Variants in EXOC2 observed in about 807,000 individuals in gnomAD.
EXOC2 encodes the protein SEC5-like 1.
In EXOC2, 70 loss-of-function variants were observed where a neutral mutation model predicts 131.8. The observed-to-expected ratio is 0.53, with a 90% CI of 0.44 to 0.65. EXOC2 has a LOEUF of 0.65. Ranked by LOEUF, EXOC2 falls within the 30% of genes least tolerant of loss-of-function variation. The pLI is 0.00. For synonymous variants in EXOC2, 411 were observed against 398.4 expected, an observed-to-expected ratio of 1.03 and a Z score of -0.38; for missense variants, 923 against 1,108.6, an observed-to-expected ratio of 0.83 and a Z score of 2.38.
At chr6:682,879 C>T (rs1221192657) in intron 1 of EXOC2, among the ~76,000 whole-genome samples, 1 of 152,118 alleles carries the variant, frequency 6.6e-6, no homozygotes, top group Non-Finnish European at 1.5e-5. Flanking sequence ...TCATTAGCAC[C>T]ATAAACACAG....
chr6:567,070 A>G (rs1473927749), intron 13 of EXOC2, among the ~76,000 whole-genome samples: 1 of 152,212 alleles, frequency 6.6e-6, no homozygotes, highest in Non-Finnish European at 1.5e-5. Flanking sequence ...TCCTGCCTGG[A>G]GGACCTCCAT....
intron 1 of EXOC2, among the ~76,000 whole-genome samples, chr6:688,026 T>A (rs531179247): frequency 6.6e-6 from 1 of 152,212 alleles, no homozygotes; most frequent in East Asian, 1.9e-4. Flanking sequence ...ACAGCCCAGG[T>A]AGGAGATTGG....
At chr6:568,870 C>T (rs1304142578) in intron 13 of EXOC2, among the ~76,000 whole-genome samples, 1 of 152,114 alleles carries the variant, frequency 6.6e-6, no homozygotes, top group Non-Finnish European at 1.5e-5. Flanking sequence ...CAATTTTGCC[C>T]AACAAATAGG....
chr6:538,897 C>T (rs1330941805), intron 22 of EXOC2, among the ~76,000 whole-genome samples: 2 of 151,942 alleles, frequency 1.3e-5, no homozygotes, highest in Non-Finnish European at 2.9e-5. Flanking sequence ...GATGGTGAAA[C>T]CCTGTCTCTA....
At chr6:622,089 A>C (rs1415096461) in intron 4 of EXOC2, among the ~76,000 whole-genome samples, 1 of 152,222 alleles carries the variant, frequency 6.6e-6, no homozygotes. Flanking sequence ...GCTTTGTCTC[A>C]ACTCAGCTAG....
At chr6:607,632 G>A (rs954953741) in intron 7 of EXOC2, among the ~76,000 whole-genome samples, 2 of 152,234 alleles carry the variant, frequency 1.3e-5, no homozygotes, top group Non-Finnish European at 2.9e-5. Flanking sequence ...TTCCTCAGTT[G>A]TACTAGTCAC....
At chr6:638,997 C>T (rs181919858) in intron 1 of EXOC2, among the ~76,000 whole-genome samples, 120 of 152,136 alleles carry the variant, frequency 7.9e-4, no homozygotes, top group African/African-American at 2.4e-3. Context: ...GCTTCAGATG[C>T]CCCAGAAGGT....
intron 6 of EXOC2, among the ~76,000 whole-genome samples, chr6:613,790 G>C (rs1760836870): frequency 6.6e-6 from 1 of 152,124 alleles, no homozygotes; most frequent in African/African-American, 2.4e-5. Context: ...TAAATGATGA[G>C]TTAATGGGTG....
intron 23 of EXOC2, among the ~76,000 whole-genome samples, chr6:503,877 C>G (rs1469081842): frequency 6.6e-6 from 1 of 152,206 alleles, no homozygotes; most frequent in Non-Finnish European, 1.5e-5. Flanking sequence ...CCTTCCTCCT[C>G]AGCCTGTCCC....
intron 12 of EXOC2, among the ~76,000 whole-genome samples, chr6:575,886 T>C (rs1187381650): frequency 6.6e-6 from 1 of 152,220 alleles, no homozygotes; most frequent in Non-Finnish European, 1.5e-5. Flanking sequence ...TTGTTTGTTC[T>C]AATGTTTGGT....
intron 4 of EXOC2, 33 bp from the exon 5 acceptor site, chr6:619,576 A>G (rs1383594626): frequency 1.3e-6 from 2 of 1,483,354 alleles, no homozygotes; most frequent in Non-Finnish European, 1.9e-6. Context: ...ATATATTTCA[A>G]TGGTTATTAT....
chr6:632,517 G>A (rs557390593), intron 3 of EXOC2, among the ~76,000 whole-genome samples: 1 of 152,160 alleles, frequency 6.6e-6, no homozygotes, highest in South Asian at 2.1e-4. Context: ...GTATCATCTG[G>A]GCCTTGAAGG....
At chr6:545,534 A>G (rs750449337) in intron 22 of EXOC2, among the ~76,000 whole-genome samples, 12 of 152,236 alleles carry the variant, frequency 7.9e-5, no homozygotes, top group Non-Finnish European at 1.5e-4. Context: ...TAAACAGTCA[A>G]TAACAGAAGA....
In EXOC2 at chr6:491,249, A is replaced by G. The variant is rs1024917945; in HGVS notation, c.2560-63T>C. 5.1e-6 allele frequency: 8 copies of G among 1,560,244 alleles called. No individual in the cohort carries two copies. In the African/African-American group the frequency reaches 9.5e-5, roughly 18 times the overall value. ...TTTATATTATCAAATATAAACAAGT[A>G]CTAAGGTTAAGGGTCTCCAGCCTGC... On this transcript the variant is annotated intron_variant, in intron 25 of 27. Coordinates refer to ENST00000230449, the MANE Select transcript of EXOC2 (RefSeq NM_018303.6).
At chr6:650,943 C>T (rs533929397) in intron 1 of EXOC2, among the ~76,000 whole-genome samples, 1 of 151,908 alleles carries the variant, frequency 6.6e-6, no homozygotes, top group South Asian at 2.1e-4. Context: ...GGAAGAGATG[C>T]CTGAAACAAA....
chr6:529,984 C>T (rs1464158852), intron 23 of EXOC2, among the ~76,000 whole-genome samples: 1 of 152,198 alleles, frequency 6.6e-6, no homozygotes. Context: ...AACAGACAGA[C>T]GTGCTGATGT....
intron 23 of EXOC2, among the ~76,000 whole-genome samples, chr6:514,944 C>A (rs1765061231): frequency 6.6e-6 from 1 of 152,218 alleles, no homozygotes; most frequent in Non-Finnish European, 1.5e-5. Context: ...TCGGCGCATG[C>A]AAACAGCTTA....
chr6:612,546 A>G (rs1223514788), intron 6 of EXOC2, among the ~76,000 whole-genome samples: 1 of 152,252 alleles, frequency 6.6e-6, no homozygotes, highest in Non-Finnish European at 1.5e-5. Context: ...ATTATACTAA[A>G]GAAAATAAAC....
intron 7 of EXOC2, 53 bp downstream of exon 7, chr6:610,045 T>G: frequency 6.5e-7 from 1 of 1,535,766 alleles, no homozygotes. Flanking sequence ...GAACTAATTT[T>G]AAAGCATGTT....
Sources: gnomAD v4.1 joint callset for allele counts (sites outside exome capture counted in the v4.1 genomes callset) on GRCh38, gnomAD v4.1.1 for gene constraint, MANE v1.5 for transcripts, NCBI Gene and HGNC (gene_info 2026-07-23, HGNC 2026-07-21) for gene names.